The following CTNND2 variants were observed in gnomAD, a reference collection of about 807,000 sequenced individuals.
CTNND2 encodes catenin delta 2.
CTNND2 carries 22 observed loss-of-function variants against 144.4 expected under a neutral mutation model. The ratio of observed to expected loss-of-function variants is 0.15; its 90% confidence interval spans 0.11 to 0.22. The LOEUF (loss-of-function observed/expected upper bound fraction) is 0.22, where lower values mean the gene tolerates loss of function less well. Ranked by LOEUF, CTNND2 falls within the 10% of genes least tolerant of loss-of-function variation. The pLI, the probability that CTNND2 is intolerant of heterozygous loss-of-function variation, is 1.00. For synonymous variants in CTNND2, 751 were observed against 695.6 expected, an observed-to-expected ratio of 1.08 and a Z score of -1.25; for missense variants, 1,353 against 1,618.8, an observed-to-expected ratio of 0.84 and a Z score of 2.82.
chr5:11,649,997 T>C (rs566771119), intron 2 of CTNND2, among the ~76,000 whole-genome samples: 135 of 152,272 alleles, frequency 8.9e-4, no homozygotes, highest in African/African-American at 3.2e-3. Flanking sequence ...AAAACTAGTA[T>C]TTTTGTTATA....
At chr5:11,000,416 G>C (rs1325055834) in intron 18 of CTNND2, among the ~76,000 whole-genome samples, 1 of 152,164 alleles carries the variant, frequency 6.6e-6, no homozygotes, top group African/African-American at 2.4e-5. Flanking sequence ...AGCTACTCGG[G>C]AGGCTGAGGC....
intron 9 of CTNND2, among the ~76,000 whole-genome samples, chr5:11,320,413 G>C (rs1343024331): frequency 2.0e-5 from 3 of 152,122 alleles, no homozygotes; most frequent in Admixed American, 2.0e-4. Context: ...AATCCTCTGT[G>C]GGTGAGAAAA....
chr5:11,228,171 G>A (rs182871668), intron 10 of CTNND2, among the ~76,000 whole-genome samples: 9 of 151,766 alleles, frequency 5.9e-5, no homozygotes, highest in Admixed American at 2.0e-4. Flanking sequence ...GTGAAAACCC[G>A]TCTCTACTAA....
intron 16 of CTNND2, among the ~76,000 whole-genome samples, chr5:11,024,232 T>C (rs1258194296): frequency 6.6e-6 from 1 of 152,224 alleles, no homozygotes; most frequent in Non-Finnish European, 1.5e-5. Context: ...TCTTATCCTA[T>C]GTTTAGGTGG....
At chr5:11,696,262 C>T (rs1581735339) in intron 2 of CTNND2, among the ~76,000 whole-genome samples, 1 of 151,166 alleles carries the variant, frequency 6.6e-6, no homozygotes, top group South Asian at 2.1e-4. Flanking sequence ...GGTTGAATTT[C>T]ACCTAATTTT....
chr5:11,425,112 T>C (rs1272698207), intron 3 of CTNND2, among the ~76,000 whole-genome samples: 2 of 152,224 alleles, frequency 1.3e-5, no homozygotes, highest in Non-Finnish European at 2.9e-5. Context: ...TCCATTGCCA[T>C]ATGTTCTCAG....
intron 2 of CTNND2, among the ~76,000 whole-genome samples, chr5:11,699,455 A>G (rs940094246): frequency 2.6e-5 from 4 of 152,298 alleles, no homozygotes; most frequent in African/African-American, 9.6e-5. Context: ...GGGTATGTGG[A>G]GTTCAATTTG....
intron 1 of CTNND2, among the ~76,000 whole-genome samples, chr5:11,761,205 G>A (rs1789243625): frequency 6.6e-6 from 1 of 152,112 alleles, no homozygotes; most frequent in African/African-American, 2.4e-5. Context: ...CACTCGGATA[G>A]ACCAATTTCA....
chr5:11,582,523 G>A (rs1321281963), intron 2 of CTNND2, among the ~76,000 whole-genome samples: 5 of 152,174 alleles, frequency 3.3e-5, no homozygotes, highest in African/African-American at 4.8e-5. Flanking sequence ...AGAGCATCAA[G>A]CACAGTGAAG....
chr5:11,638,625 G>C (rs1053699550), intron 2 of CTNND2, among the ~76,000 whole-genome samples: 1 of 152,190 alleles, frequency 6.6e-6, no homozygotes, highest in Non-Finnish European at 1.5e-5. Flanking sequence ...CCAGGCTGAA[G>C]TGCAGTGGTG....
rs547569480 is a variant in CTNND2, at chr5:11,720,294, C to G, written c.174+11842G>C. 2.6e-5 allele frequency among the ~76,000 whole-genome samples: 4 copies of G among 152,224 alleles called. No homozygotes were observed. In the South Asian group the frequency reaches 6.2e-4, roughly 24 times the overall value. Reference sequence around the variant, plus strand: ...GCCATTGTCACTAGCAATGTAAACCCCAAACCTATTTGTTCCTTCCAAATA... The same window carrying G: ...GCCATTGTCACTAGCAATGTAAACCGCAAACCTATTTGTTCCTTCCAAATA... On this transcript the variant is annotated intron_variant, in intron 2 of 21. Transcript: ENST00000304623.
At chr5:11,180,788 A>G (rs575899625) in intron 11 of CTNND2, among the ~76,000 whole-genome samples, 65 of 152,348 alleles carry the variant, frequency 4.3e-4, no homozygotes, top group African/African-American at 1.4e-3. Flanking sequence ...TAGAGAACCA[A>G]ACTGAAATAC....
chr5:11,541,165 G>C (rs1296199000), intron 3 of CTNND2, among the ~76,000 whole-genome samples: 2 of 152,164 alleles, frequency 1.3e-5, no homozygotes, highest in African/African-American at 4.8e-5. Flanking sequence ...TACTCCAAGA[G>C]CTGTAGACCC....
intron 15 of CTNND2, chr5:11,083,908 C>T: frequency 8.7e-7 from 1 of 1,149,210 alleles, no homozygotes; most frequent in Non-Finnish European, 1.1e-6. Flanking sequence ...CCCCCTCTGG[C>T]AGTGAACGTA....
intron 2 of CTNND2, among the ~76,000 whole-genome samples, chr5:11,582,511 T>C (rs1380667675): frequency 6.6e-6 from 1 of 152,216 alleles, no homozygotes; most frequent in African/African-American, 2.4e-5. Flanking sequence ...GATGTTCTGG[T>C]GAGAGCATCA....
At chr5:11,432,328 A>T (rs1763379638) in intron 3 of CTNND2, among the ~76,000 whole-genome samples, 1 of 151,970 alleles carries the variant, frequency 6.6e-6, no homozygotes, top group Admixed American at 6.6e-5. Context: ...CAGGGAAGAC[A>T]TCTGGGCAGA....
At chr5:11,250,481 C>CTATA (rs1316992522) in intron 9 of CTNND2, among the ~76,000 whole-genome samples, 88 of 64,152 alleles carry the variant, frequency 1.4e-3, no homozygotes, top group African/African-American at 2.3e-3. Flanking sequence ...CTCTCTCTCT[C>CTATA]TCTCTCTCTC....
intron 10 of CTNND2, among the ~76,000 whole-genome samples, chr5:11,214,568 C>T (rs1219241396): frequency 6.6e-6 from 1 of 152,090 alleles, no homozygotes; most frequent in Non-Finnish European, 1.5e-5. Flanking sequence ...TAGTCAAAGT[C>T]ATATTTTCAA....
In CTNND2 at chr5:11,076,906, C is replaced by T. The variant is rs941541172; in HGVS notation, c.2788+5790G>A. On this transcript the variant is annotated intron_variant, in intron 16 of 21. Transcript: ENST00000304623. ...TCTATTTTAAACTGAAAATCCAGAA[C>T]CAATGATGGAAAAGAAAGGGATTCT... Among the ~76,000 whole-genome samples the T allele has an allele frequency of 1.4e-4, 22 of 152,204 alleles. No individual in the cohort carries two copies. The East Asian group carries it at 4.2e-3, about 29-fold the overall frequency.
Sources: allele counts gnomAD v4.1 joint callset (sites outside exome capture counted in the v4.1 genomes callset), GRCh38; gene constraint gnomAD v4.1.1; transcripts MANE v1.5; gene names NCBI Gene and HGNC (gene_info 2026-07-23, HGNC 2026-07-21).